The following NMRK1 variants were observed in gnomAD, a reference collection of about 807,000 sequenced individuals.
NMRK1 encodes NRK 1.
A neutral mutation model predicts 29.9 loss-of-function variants in NMRK1; 28 were observed. That is an observed-to-expected ratio of 0.94 (90% CI 0.69 to 1.28). NMRK1 has a LOEUF of 1.28. Ranked by LOEUF, NMRK1 falls within the 50% of genes most tolerant of loss-of-function variation. The pLI, the probability that NMRK1 is intolerant of heterozygous loss-of-function variation, is 0.00. For synonymous variants in NMRK1, 58 were observed against 73.0 expected (o/e 0.79, Z 1.05); for missense variants, 218 against 233.1 (o/e 0.94, Z 0.42).
At chr9:75,066,272 T>C (rs1429990618) in intron 8 of NMRK1, 1 of 518,716 alleles carries the variant, frequency 1.9e-6, no homozygotes, top group African/African-American at 1.9e-5. Context: ...CCCTGTCACT[T>C]GCAAACAGTG....
intron 7 of NMRK1, among the ~76,000 whole-genome samples, chr9:75,067,655 C>T (rs1376862108): frequency 6.6e-6 from 1 of 152,162 alleles, no homozygotes; most frequent in Admixed American, 6.5e-5. Context: ...TCAAGGTATT[C>T]AGCAGAGCAG....
intron 1 of NMRK1, among the ~76,000 whole-genome samples, chr9:75,086,296 C>A (rs538676828): frequency 6.6e-6 from 1 of 152,164 alleles, no homozygotes; most frequent in African/African-American, 2.4e-5. Flanking sequence ...AAGCTTCGTA[C>A]AAACTGTAAA....
chr9:75,071,040 T>C (rs918190947), intron 4 of NMRK1, among the ~76,000 whole-genome samples: 1 of 152,138 alleles, frequency 6.6e-6, no homozygotes, highest in Non-Finnish European at 1.5e-5. Flanking sequence ...TGAAGTTTTA[T>C]GTCTTAAACC....
intron 2 of NMRK1, among the ~76,000 whole-genome samples, chr9:75,078,762 G>T (rs1309008625): frequency 2.0e-5 from 3 of 152,058 alleles, no homozygotes; most frequent in Non-Finnish European, 4.4e-5. Context: ...CAGTTGGGGT[G>T]GATATCTTGA....
chr9:75,065,637 A>G (rs1328495490), intron 8 of NMRK1, among the ~76,000 whole-genome samples: 1 of 152,136 alleles, frequency 6.6e-6, no homozygotes, highest in Non-Finnish European at 1.5e-5. Flanking sequence ...TTTTAAAATC[A>G]GAAGGTGTTA....
intron 4 of NMRK1, among the ~76,000 whole-genome samples, chr9:75,072,609 G>A (rs1018569956): frequency 9.9e-5 from 15 of 152,122 alleles, no homozygotes; most frequent in African/African-American, 3.1e-4. Context: ...ACTGGATGGC[G>A]AACTCAAGAG....
chr9:75,082,753 A>G (rs1225941816), intron 2 of NMRK1: 1 of 300,950 alleles, frequency 3.3e-6, no homozygotes, highest in East Asian at 6.4e-5. Flanking sequence ...TTTCTCCTCC[A>G]TCGTGATGAA....
intron 4 of NMRK1, among the ~76,000 whole-genome samples, chr9:75,073,976 G>A (rs990072047): frequency 1.3e-5 from 2 of 152,160 alleles, no homozygotes; most frequent in Non-Finnish European, 1.5e-5. Context: ...AGTTATAACA[G>A]TTCTTTCAGT....
intron 6 of NMRK1, chr9:75,069,412 A>G: frequency 2.1e-6 from 1 of 467,856 alleles, no homozygotes; most frequent in Non-Finnish European, 3.8e-6. Flanking sequence ...ATGTTGGATT[A>G]AGCTTTGAAC....
At chr9:75,083,525 T>C (rs897697512) in intron 1 of NMRK1, among the ~76,000 whole-genome samples, 1 of 152,190 alleles carries the variant, frequency 6.6e-6, no homozygotes, top group East Asian at 1.9e-4. Flanking sequence ...TCATTATCAG[T>C]GAGGGAGGGA....
intron 8 of NMRK1, among the ~76,000 whole-genome samples, 174 bp downstream of exon 8, chr9:75,066,583 T>C (rs1456759250): frequency 1.2e-5 from 1 of 82,574 alleles, no homozygotes; most frequent in Non-Finnish European, 2.5e-5. Context: ...ACAAAATAAT[T>C]GAGTCTCCAA....
At chr9:75,061,618 TA>T (rs1206505799) in intron 8 of NMRK1, 51 bp from the exon 9 acceptor site, 1 of 1,436,394 alleles carries the variant, frequency 7.0e-7, no homozygotes, top group Non-Finnish European at 9.7e-7. Flanking sequence ...ATTCTCATTT[TA>T]TTAAATCTTT....
chr9:75,086,350 T>A (rs1564144983), intron 1 of NMRK1, among the ~76,000 whole-genome samples: 1 of 152,194 alleles, frequency 6.6e-6, no homozygotes. Context: ...GGCACGTCTA[T>A]CACTAGAATC....
Position 75,070,028 on chromosome 9 carries a change from T to TA in NMRK1, c.183dup (p.Asn62Ter), listed in dbSNP as rs1564129901. On this transcript the variant is annotated frameshift_variant, in exon 5 of 9. Transcript: ENST00000361092. LOFTEE classifies it high-confidence loss of function. ...ATGGCTGACATCATTTTTTCCATGT[T>TA]AAGTGCTTCAAGCACTTCAAACAAA... 1 of 1,612,100 alleles carries TA rather than the reference T, an allele frequency of 6.2e-7. No individual in the cohort carries two copies. Among genetic ancestry groups the TA allele is most frequent in the Non-Finnish European group, 8.5e-7 (1 of 1,179,472 alleles).
At chr9:75,065,416 G>T (rs1024887405) in intron 8 of NMRK1, among the ~76,000 whole-genome samples, 1 of 152,104 alleles carries the variant, frequency 6.6e-6, no homozygotes, top group Non-Finnish European at 1.5e-5. Context: ...TGATCTGTCT[G>T]CCTCGGCCTC....
intron 4 of NMRK1, among the ~76,000 whole-genome samples, chr9:75,073,979 C>T (rs915214298): frequency 6.6e-6 from 1 of 152,128 alleles, no homozygotes; most frequent in East Asian, 1.9e-4. Flanking sequence ...TATAACAGTT[C>T]TTTCAGTAGG....
At position 75,071,788 on chromosome 9, in the gene NMRK1, G is replaced by C. The variant is rs113493820; in HGVS notation, c.170-1746C>G. On this transcript the variant is annotated intron_variant, in intron 4 of 8. Transcript: ENST00000361092. ...TTAAGTTTCATTGCTGCTAGTTGTGGGTAGAAGTTCAGCTTTCCACTGGGT... is the reference window on the plus strand; with the variant it reads ...TTAAGTTTCATTGCTGCTAGTTGTGCGTAGAAGTTCAGCTTTCCACTGGGT... Among the ~76,000 whole-genome samples the C allele has an allele frequency of 3.0e-3, 460 of 152,248 alleles. 1 individual carries two copies. Among genetic ancestry groups the C allele is most frequent in the African/African-American group, 0.011 (451 of 41,542 alleles).
chr9:75,082,401 CA>C (rs1383643729), intron 2 of NMRK1, among the ~76,000 whole-genome samples: 1 of 152,122 alleles, frequency 6.6e-6, no homozygotes, highest in East Asian at 1.9e-4. Context: ...ATGATTTCCC[CA>C]AAATTACAAA....
intron 8 of NMRK1, among the ~76,000 whole-genome samples, chr9:75,063,339 A>G (rs1261201830): frequency 6.6e-6 from 1 of 150,834 alleles, no homozygotes; most frequent in Non-Finnish European, 1.5e-5. Flanking sequence ...AAAAGACTCC[A>G]TATGAGAAAA....
Sources: gnomAD v4.1 joint callset for allele counts (sites outside exome capture counted in the v4.1 genomes callset) on GRCh38, gnomAD v4.1.1 for gene constraint, MANE v1.5 for transcripts, NCBI Gene and HGNC (gene_info 2026-07-23, HGNC 2026-07-21) for gene names.